The following SWT1 variants were observed in gnomAD, a reference collection of about 807,000 sequenced individuals.
SWT1 encodes transcriptional protein SWT1.
A neutral mutation model predicts 107.3 loss-of-function variants in SWT1; 33 were observed. The observed-to-expected ratio is 0.31, with a 90% CI of 0.23 to 0.41. SWT1 has a LOEUF of 0.41. SWT1 is among the 10% of genes least tolerant of loss of function. The pLI is 1.00. For missense variants in SWT1, 898 were observed against 1,028.9 expected (o/e 0.87, Z 1.74); for synonymous variants, 345 against 348.3 (o/e 0.99, Z 0.11).
chr1:185,275,536 G>A (rs1157613784), intron 17 of SWT1, among the ~76,000 whole-genome samples: 1 of 150,142 alleles, frequency 6.7e-6, no homozygotes, highest in East Asian at 1.9e-4. Flanking sequence ...ATATATGTGT[G>A]TACATATATA....
intron 13 of SWT1, among the ~76,000 whole-genome samples, chr1:185,211,583 T>C (rs1454524776): frequency 6.6e-6 from 1 of 152,102 alleles, no homozygotes; most frequent in African/African-American, 2.4e-5. Flanking sequence ...TGTGGAGAAA[T>C]AGGAACACTT....
At chr1:185,270,828 A>G (rs1302350572) in intron 16 of SWT1, among the ~76,000 whole-genome samples, 1 of 152,214 alleles carries the variant, frequency 6.6e-6, no homozygotes, top group African/African-American at 2.4e-5. Context: ...CTGTAGGCTG[A>G]TAGTTCAAGC....
intron 10 of SWT1, among the ~76,000 whole-genome samples, chr1:185,199,157 G>A (rs1372723951): frequency 6.6e-6 from 1 of 151,872 alleles, no homozygotes; most frequent in Non-Finnish European, 1.5e-5. Flanking sequence ...AGGCTGGTCT[G>A]GAACTCCTGG....
chr1:185,231,000 C>T (rs1014763045), intron 15 of SWT1, among the ~76,000 whole-genome samples: 1 of 152,172 alleles, frequency 6.6e-6, no homozygotes, highest in Non-Finnish European at 1.5e-5. Flanking sequence ...CCTCCCTCCT[C>T]GGCCTTTCAA....
rs1184491015 is a variant in SWT1 at position 185,190,416 on chromosome 1, A to G, written c.1430-133A>G. The G allele has an allele frequency of 1.5e-5, 9 of 580,830 alleles. No homozygotes were observed. In the South Asian group the frequency reaches 1.9e-4, roughly 12 times the overall value. 36.0% of individuals were successfully genotyped at this position (580,830 alleles called of 1,614,324 possible). On this transcript the variant is annotated intron_variant, in intron 9 of 18. Coordinates refer to ENST00000367500, the MANE Select transcript of SWT1 (RefSeq NM_017673.7). ...GACAAATGTATAATGACGTGTGTCC[A>G]CCATCATAGTATCATACCTTAACTA...
In SWT1 at chr1:185,246,623, CT is replaced by C. The variant is rs375322237; in HGVS notation, c.2441+14936del. Reference sequence around the variant, plus strand: ...TTAATTATGTTCATATTTTGGAGAGCTTTTTTTTTTTTTTTTTTTTTAATAG... The same window carrying C: ...TTAATTATGTTCATATTTTGGAGAGCTTTTTTTTTTTTTTTTTTTTAATAG... On this transcript the variant is annotated intron_variant, in intron 16 of 18. Coordinates refer to ENST00000367500, the MANE Select transcript of SWT1 (RefSeq NM_017673.7). Among the ~76,000 whole-genome samples, 285 of 96,476 alleles carry C rather than the reference CT, an allele frequency of 3.0e-3. 1 individual carries two copies. Among genetic ancestry groups the C allele is most frequent in the East Asian group, 7.7e-3 (23 of 3,006 alleles). The allele number at this position is 96,476 out of a possible 152,430, so 63.3% of individuals were successfully genotyped here. A position where few individuals can be genotyped will look rare whatever the true frequency, so the allele number is the denominator to read the frequency against.
chr1:185,222,683 T>G (rs1659752023), intron 15 of SWT1, among the ~76,000 whole-genome samples: 1 of 143,678 alleles, frequency 7.0e-6, no homozygotes, highest in Non-Finnish European at 1.5e-5. Flanking sequence ...GAGAATTGCT[T>G]GAATCTGGAA....
At chr1:185,282,017 A>G (rs967940417) in intron 18 of SWT1, among the ~76,000 whole-genome samples, 21 of 152,178 alleles carry the variant, frequency 1.4e-4, no homozygotes, top group African/African-American at 1.9e-4. Context: ...TGCAGTTTCA[A>G]TTGCTGTGAG....
intron 16 of SWT1, among the ~76,000 whole-genome samples, chr1:185,265,691 G>A (rs931402415): frequency 2.4e-4 from 37 of 152,150 alleles, no homozygotes; most frequent in Admixed American, 2.4e-3. Flanking sequence ...AGTTAAAACA[G>A]TTGCTTTATT....
chr1:185,220,102 G>T (rs1659525222), intron 14 of SWT1, among the ~76,000 whole-genome samples: 1 of 123,962 alleles, frequency 8.1e-6, no homozygotes, highest in South Asian at 2.5e-4. Context: ...TCACACCACT[G>T]CACTCCAGCC....
chr1:185,250,639 A>C (rs1317288982), intron 16 of SWT1, among the ~76,000 whole-genome samples: 1 of 152,064 alleles, frequency 6.6e-6, no homozygotes, highest in Non-Finnish European at 1.5e-5. Context: ...TAAACTCATA[A>C]TTTATTTAAT....
intron 16 of SWT1, among the ~76,000 whole-genome samples, chr1:185,255,092 G>A (rs1662376583): frequency 6.6e-6 from 1 of 152,162 alleles, no homozygotes; most frequent in Non-Finnish European, 1.5e-5. Flanking sequence ...GAGGGGTTTT[G>A]AGTGAGTTTC....
chr1:185,209,155 A>G (rs1257173514), intron 13 of SWT1, among the ~76,000 whole-genome samples: 1 of 152,000 alleles, frequency 6.6e-6, no homozygotes, highest in Non-Finnish European at 1.5e-5. Context: ...AATCCTTGAG[A>G]CTGTTGTTAT....
intron 17 of SWT1, among the ~76,000 whole-genome samples, chr1:185,273,396 C>G (rs1664025412): frequency 6.6e-6 from 1 of 151,556 alleles, no homozygotes; most frequent in South Asian, 2.1e-4. Flanking sequence ...CAGAGTGAGA[C>G]TCTGTCTCAA....
chr1:185,212,078 G>T (rs969949132), intron 13 of SWT1, among the ~76,000 whole-genome samples: 2 of 151,738 alleles, frequency 1.3e-5, no homozygotes, highest in African/African-American at 2.4e-5. Context: ...AGTGGGGAGG[G>T]ACAGCATTAG....
intron 6 of SWT1, among the ~76,000 whole-genome samples, chr1:185,180,815 G>T (rs1426776896): frequency 6.6e-6 from 1 of 152,186 alleles, no homozygotes; most frequent in Non-Finnish European, 1.5e-5. Context: ...TCAATAAGAT[G>T]AAAACATTAT....
At chr1:185,215,221 A>C (rs1659124243) in intron 14 of SWT1, among the ~76,000 whole-genome samples, 1 of 151,996 alleles carries the variant, frequency 6.6e-6, no homozygotes, top group African/African-American at 2.4e-5. Flanking sequence ...TTCTCTACCT[A>C]CCCACCTGTC....
intron 10 of SWT1, among the ~76,000 whole-genome samples, chr1:185,200,063 C>T (rs768754219): frequency 1.1e-4 from 17 of 151,832 alleles, no homozygotes; most frequent in Non-Finnish European, 2.1e-4. Context: ...GTATGCTTTA[C>T]GAAGTTCTCG....
In SWT1 at chr1:185,160,757, A is replaced by G. The variant is rs58633881; in HGVS notation, c.-9-76A>G. Reference sequence around the variant, plus strand: ...CATATTGTAAAACTCCAATCTTTATATAACTGAAAGAAGACAAATTTCTAT... The same window carrying G: ...CATATTGTAAAACTCCAATCTTTATGTAACTGAAAGAAGACAAATTTCTAT... On this transcript the variant is annotated intron_variant, in intron 1 of 18. Coordinates refer to ENST00000367500, the MANE Select transcript of SWT1 (RefSeq NM_017673.7). The G allele has an allele frequency of 1.3e-3, 1,352 of 1,041,784 alleles. 15 individuals carry two copies. In the African/African-American group the frequency reaches 0.02, roughly 16 times the overall value. The allele number at this position is 1,041,784 out of a possible 1,614,324, so 64.5% of individuals were successfully genotyped here. A position where few individuals can be genotyped will look rare whatever the true frequency, so the allele number is the denominator to read the frequency against.
Sources: gnomAD v4.1 joint callset for allele counts (sites outside exome capture counted in the v4.1 genomes callset) on GRCh38, gnomAD v4.1.1 for gene constraint, MANE v1.5 for transcripts, NCBI Gene and HGNC (gene_info 2026-07-23, HGNC 2026-07-21) for gene names.